Variants in ALG14 observed in about 807,000 individuals in gnomAD.
ALG14 encodes the protein UDP-N-acetylglucosamine transferase subunit ALG14.
Under a neutral mutation model 22.8 loss-of-function variants are expected in ALG14, and 17 were observed. The observed-to-expected ratio is 0.75, with a 90% CI of 0.51 to 1.12. ALG14 has a LOEUF of 1.12. Among genes scored for constraint, ALG14 ranks in the 50% most tolerant of loss-of-function variants. The probability of loss-of-function intolerance (pLI) is 0.00; values close to 1 mark genes in which losing one functional copy is unlikely to be tolerated. For missense variants in ALG14, 288 were observed against 271.8 expected (o/e 1.06, Z -0.42); for synonymous variants, 89 against 103.7 (o/e 0.86, Z 0.86).
intron 1 of ALG14, among the ~76,000 whole-genome samples, chr1:95,069,547 C>G (rs943934303): frequency 1.3e-5 from 2 of 152,086 alleles, no homozygotes; most frequent in African/African-American, 4.8e-5. Context: ...TAACCAGATT[C>G]CCTAGTCTTT....
chr1:95,063,764 G>C (rs1032785665), intron 2 of ALG14, among the ~76,000 whole-genome samples: 1 of 152,060 alleles, frequency 6.6e-6, no homozygotes, highest in African/African-American at 2.4e-5. Context: ...TGGCTATTTG[G>C]GCTCCTTTTT....
chr1:95,039,032 T>G (rs1415971461), intron 2 of ALG14, among the ~76,000 whole-genome samples: 1 of 152,182 alleles, frequency 6.6e-6, no homozygotes, highest in Non-Finnish European at 1.5e-5. Context: ...AATACATTAT[T>G]CTTTGATAAG....
Position 95,033,438 on chromosome 1 carries a change from CACACACAT to C in ALG14, c.289-6186_289-6179del, listed in dbSNP as rs1161809198. Among the ~76,000 whole-genome samples, 876 of 150,638 alleles carry C rather than the reference CACACACAT, an allele frequency of 5.8e-3. 8 individuals are homozygous for C. Among genetic ancestry groups the C allele is most frequent in the African/African-American group, 0.02 (804 of 40,968 alleles). On this transcript the variant is annotated intron_variant, in intron 2 of 3. Transcript: ENST00000370205. ...ATATATATACACACACACACACACA[CACACACAT>C]ACATATATATACACACACACACACA... is the stretch of plus-strand genomic sequence containing the variant.
chr1:95,000,535 T>TAAA lies in ALG14; in HGVS notation c.421-17232_421-17230dup, dbSNP rs71588535. The stretch of plus-strand genomic sequence containing the variant: ...TGCGTAACAGAGCAAGACCCTGTCC[T>TAAA]AAAAAAAAAAAAAAAAAAAAAAAAG... On this transcript the variant is annotated intron_variant, in intron 3 of 3. Transcript: ENST00000370205. Among the ~76,000 whole-genome samples, 222 of 70,594 alleles carry TAAA rather than the reference T, an allele frequency of 3.1e-3. 6 individuals are homozygous for TAAA. Among genetic ancestry groups the TAAA allele is most frequent in the African/African-American group, 0.011 (205 of 18,230 alleles). 46.3% of individuals were successfully genotyped at this position (70,594 alleles called of 152,430 possible). A position where few individuals can be genotyped will look rare whatever the true frequency, so the allele number is the denominator to read the frequency against.
intron 3 of ALG14, among the ~76,000 whole-genome samples, chr1:95,012,369 G>A (rs959961183): frequency 2.0e-5 from 3 of 152,146 alleles, no homozygotes; most frequent in African/African-American, 7.2e-5. Flanking sequence ...AAATCTCTAG[G>A]TTGGGGAAAT....
At chr1:95,007,752 CA>C (rs1163922283) in intron 3 of ALG14, among the ~76,000 whole-genome samples, 1 of 152,200 alleles carries the variant, frequency 6.6e-6, no homozygotes, top group African/African-American at 2.4e-5. Flanking sequence ...ATAAGGAAGC[CA>C]ATCTGACATG....
At chr1:95,024,582 AGACTT>A (rs1460420949) in intron 3 of ALG14, among the ~76,000 whole-genome samples, 1 of 152,210 alleles carries the variant, frequency 6.6e-6, no homozygotes, top group Non-Finnish European at 1.5e-5. Context: ...GTGAACATGA[AGACTT>A]GAACAACTTG....
At chr1:94,987,796 T>A (rs1392316915) in intron 3 of ALG14, among the ~76,000 whole-genome samples, 1 of 152,180 alleles carries the variant, frequency 6.6e-6, no homozygotes, top group African/African-American at 2.4e-5. Flanking sequence ...CTGGGTTGGT[T>A]TGTAGGTCAG....
chr1:95,062,973 C>T (rs1005277106), intron 2 of ALG14, among the ~76,000 whole-genome samples: 12 of 152,200 alleles, frequency 7.9e-5, no homozygotes, highest in African/African-American at 2.9e-4. Flanking sequence ...TGTTTCTGGA[C>T]TTTTTAATAA....
chr1:95,034,802 T>C (rs1385360482), intron 2 of ALG14, among the ~76,000 whole-genome samples: 2 of 152,090 alleles, frequency 1.3e-5, no homozygotes, highest in East Asian at 1.9e-4. Flanking sequence ...TCCTGATCCA[T>C]TTCCTTTTTC....
chr1:95,037,137 TTC>T (rs143835508), intron 2 of ALG14, among the ~76,000 whole-genome samples: 6,749 of 152,290 alleles, frequency 0.044, 199 homozygotes, highest in Middle Eastern at 0.088. Context: ...TGCACATTTA[TTC>T]TCTCTCAGCC....
intron 1 of ALG14, among the ~76,000 whole-genome samples, chr1:95,071,027 C>A (rs563700857): frequency 6.6e-6 from 1 of 152,308 alleles, no homozygotes; most frequent in African/African-American, 2.4e-5. Flanking sequence ...AGGTGTGAAC[C>A]ATCACGCCCG....
At position 94,983,028 on chromosome 1, in the gene ALG14, A is replaced by T; in HGVS notation, c.*48T>A. On this transcript the variant is annotated 3_prime_UTR_variant, in exon 4 of 4. Transcript: ENST00000370205. ...GGGTTTTTTTCCCCCCAATTTGAGT[A>T]CATACTACTGTTAACTGCAAAATTC... 1 of 1,529,410 alleles carries T rather than the reference A, an allele frequency of 6.5e-7. No homozygotes were observed. The highest frequency in any genetic ancestry group is 9.1e-7 in the Non-Finnish European group (1 of 1,104,022). The allele number at this position is 1,529,410 out of a possible 1,614,324, so 94.7% of individuals were successfully genotyped here.
intron 3 of ALG14, among the ~76,000 whole-genome samples, chr1:95,016,269 GT>G (rs1012399590): frequency 2.4e-4 from 35 of 148,770 alleles, no homozygotes; most frequent in African/African-American, 3.0e-4. Flanking sequence ...GACAAGAACT[GT>G]TTTTTTTTTA....
chr1:94,985,355 C>A lies in ALG14; in HGVS notation c.421-2049G>T, dbSNP rs1392598310. ...GGCCTGTCTTGTGCATCTTACTTAGCGTGCTTCGCAGCATCCCTGGCCTCT... is the reference window on the plus strand; with the variant it reads ...GGCCTGTCTTGTGCATCTTACTTAGAGTGCTTCGCAGCATCCCTGGCCTCT... On this transcript the variant is annotated intron_variant, in intron 3 of 3. Coordinates refer to ENST00000370205, the MANE Select transcript of ALG14 (RefSeq NM_144988.4). Among the ~76,000 whole-genome samples, 4 of 152,306 alleles carry A rather than the reference C, an allele frequency of 2.6e-5. No individual in the cohort carries two copies. The East Asian group carries it at 7.7e-4, about 29-fold the overall frequency.
intron 3 of ALG14, among the ~76,000 whole-genome samples, chr1:95,025,870 T>G (rs1049694247): frequency 6.6e-6 from 1 of 152,232 alleles, no homozygotes; most frequent in East Asian, 1.9e-4. Flanking sequence ...CCACTCAAAC[T>G]TTCTCCATAT....
chr1:94,975,468 G>A lies in ALG14; in HGVS notation c.*7608C>T, dbSNP rs1297974859. ...CTGCTGCGAACATATAAGTTTTTGT[G>A]TAAATACATGTTTTTAATTCTCCAG... On this transcript the variant is annotated 3_prime_UTR_variant, in exon 4 of 4. Transcript: ENST00000370205. 1 of 152,162 alleles carries A rather than the reference G, an allele frequency of 6.6e-6. No individual in the cohort carries two copies. The highest frequency in any genetic ancestry group is 1.5e-5 in the Non-Finnish European group (1 of 68,042). The allele number at this position is 152,162 out of a possible 1,614,324, so 9.4% of individuals were successfully genotyped here.
rs1219186376 is a variant in ALG14, at chr1:95,056,708, TAA to T, written c.288+8156_288+8157del. On this transcript the variant is annotated intron_variant, in intron 2 of 3. Coordinates refer to ENST00000370205, the MANE Select transcript of ALG14 (RefSeq NM_144988.4). ...CACTTGAGTATAACTCTATGACCTTTAAGTCCTAAGGGAAAATATAAATTTGG... is the reference window on the plus strand; with the variant it reads ...CACTTGAGTATAACTCTATGACCTTTGTCCTAAGGGAAAATATAAATTTGG... Among the ~76,000 whole-genome samples the T allele has an allele frequency of 3.4e-3, 516 of 152,094 alleles. 23 individuals carry two copies. In the East Asian group the frequency reaches 0.096, roughly 28 times the overall value.
chr1:95,036,137 G>A (rs1674186007), intron 2 of ALG14, among the ~76,000 whole-genome samples: 1 of 152,084 alleles, frequency 6.6e-6, no homozygotes, highest in African/African-American at 2.4e-5. Context: ...GGTGCTGTGG[G>A]CCCCTGATAT....
Sources: gnomAD v4.1 joint callset for allele counts (sites outside exome capture counted in the v4.1 genomes callset) on GRCh38, gnomAD v4.1.1 for gene constraint, MANE v1.5 for transcripts, NCBI Gene and HGNC (gene_info 2026-07-23, HGNC 2026-07-21) for gene names.